The following OGG1 variants were observed in gnomAD, a reference collection of about 807,000 sequenced individuals.
OGG1 encodes the protein N-glycosylase/DNA lyase.
Under a neutral mutation model 42.3 loss-of-function variants are expected in OGG1, and 35 were observed. The observed-to-expected ratio is 0.83, with a 90% CI of 0.63 to 1.10. The LOEUF is 1.10. Among genes scored for constraint, OGG1 ranks in the 50% least tolerant of loss-of-function variants. The pLI is 0.00. For missense variants in OGG1, 484 were observed against 446.7 expected (o/e 1.08, Z -0.75); for synonymous variants, 189 against 179.0 (o/e 1.06, Z -0.44).
rs189616275 is a variant in OGG1, at chr3:9,787,473, T to C, written c.383-255T>C. The C allele has an allele frequency of 6.0e-5, 79 of 1,317,508 alleles. 1 individual carries two copies. In the Admixed American group the frequency reaches 1.6e-3, roughly 27 times the overall value. The allele number at this position is 1,317,508 out of a possible 1,614,324, so 81.6% of individuals were successfully genotyped here. A position where few individuals can be genotyped will look rare whatever the true frequency, so the allele number is the denominator to read the frequency against. ...GGCCAAGCCCAGTGTCAGGTGTAGG[T>C]AAGAAAGTACAACGAAGATAAAACC... On this transcript the variant is annotated intron_variant, in intron 3 of 3. Coordinates refer to the OGG1 transcript ENST00000426518.
At chr3:9,762,804 A>T (rs530424778) in intron 7 of OGG1, 156 of 1,061,922 alleles carry the variant, frequency 1.5e-4, no homozygotes, top group Non-Finnish European at 2.0e-4. Context: ...TTGTAGATGG[A>T]AATCCAAGGC....
chr3:9,780,063 T>G, intron 2 of OGG1: 8 of 304,010 alleles, frequency 2.6e-5, no homozygotes, highest in Non-Finnish European at 3.6e-5. Flanking sequence ...GGGTAGGGGA[T>G]TAGGGAGTGG....
chr3:9,754,635 A>G, intron 3 of OGG1, 69 bp from the exon 4 acceptor site: 2 of 1,548,372 alleles, frequency 1.3e-6, no homozygotes, highest in Non-Finnish European at 1.8e-6. Context: ...TAGAGAGCTC[A>G]CTTACTAGCC....
intron 2 of OGG1, among the ~76,000 whole-genome samples, chr3:9,775,829 A>G (rs2078356804): frequency 6.6e-6 from 1 of 151,998 alleles, no homozygotes; most frequent in African/African-American, 2.4e-5. Context: ...TAGTAGAGAC[A>G]GGGTTTCACC....
At chr3:9,761,426 G>A, downstream of OGG1, 1 of 1,585,706 alleles carries the variant, frequency 6.3e-7, no homozygotes, top group East Asian at 2.2e-5. Flanking sequence ...GGACAACTCT[G>A]GAGCCACAGC....
At chr3:9,752,680 A>C (rs2077360957) in intron 3 of OGG1, among the ~76,000 whole-genome samples, 1 of 152,238 alleles carries the variant, frequency 6.6e-6, no homozygotes. Context: ...GTGAGAACCA[A>C]GCTAGGACAA....
chr3:9,780,584 C>T, intron 2 of OGG1: 2 of 1,578,664 alleles, frequency 1.3e-6, no homozygotes, highest in Non-Finnish European at 1.7e-6. Flanking sequence ...CCAGGGTCAG[C>T]CCACCTCCAG....
chr3:9,769,452 A>C (rs187940399), downstream of OGG1, among the ~76,000 whole-genome samples: 1 of 152,090 alleles, frequency 6.6e-6, no homozygotes, highest in Admixed American at 6.5e-5. Flanking sequence ...ACACGTGGAC[A>C]CCCCTCTGGA....
chr3:9,754,772 G>C lies in OGG1; in HGVS notation c.634G>C (p.Ala212Pro), dbSNP rs767367322. 6.2e-7 allele frequency: 1 copy of C among 1,614,046 alleles called. No homozygotes were observed. The highest frequency in any genetic ancestry group is 8.5e-7 in the Non-Finnish European group (1 of 1,179,980). Residue 212 changes from alanine to proline, a missense_variant, in exon 4 of 7, where the codon GCC becomes CCC. Physicochemically the swap from Ala to Pro is conservative, Grantham distance 27 (BLOSUM62 -1). Transcript: ENST00000344629. ...GYRARYVSAS[A>P]RAILEEQGGL... Reference sequence around the variant, plus strand: ...TCGTGCCCGTTACGTGAGTGCCAGTGCCCGAGCCATCCTGGAAGAACAGGG... The same window carrying C: ...TCGTGCCCGTTACGTGAGTGCCAGTCCCCGAGCCATCCTGGAAGAACAGGG...
downstream of OGG1, chr3:9,758,919 C>T: frequency 2.4e-6 from 1 of 424,010 alleles, no homozygotes; most frequent in Non-Finnish European, 4.4e-6. Flanking sequence ...CGTGAGCCAC[C>T]ATGCCTGGCC....
downstream of OGG1, chr3:9,760,041 GA>G (rs1225762018): frequency 3.2e-6 from 1 of 310,238 alleles, no homozygotes; most frequent in African/African-American, 2.1e-5. Flanking sequence ...AGGAGTTCAA[GA>G]CCAGCCTGGC....
chr3:9,765,903 G>A lies in OGG1; in HGVS notation c.*72G>A, dbSNP rs41276495. The A allele has an allele frequency of 6.9e-4, 1,121 of 1,613,956 alleles. 2 individuals are homozygous for A. Among genetic ancestry groups the A allele is most frequent in the South Asian group, 8.9e-4 (81 of 91,058 alleles). ...CGAGAAGGCCCCCCTATCGGGAGAG[G>A]GGATTCACAAGGTGAAGAACTGGAA... On this transcript the variant is annotated 3_prime_UTR_variant, in exon 8 of 8. Transcript: ENST00000302008.
intron 4 of OGG1, among the ~76,000 whole-genome samples, chr3:9,756,107 A>G (rs2077539129): frequency 6.6e-6 from 1 of 152,148 alleles, no homozygotes. Context: ...ACTTGAGGTC[A>G]GGAGTTCGAG....
chr3:9,774,408 CAAAAAAAAAA>C (rs35674476), intron 2 of OGG1, among the ~76,000 whole-genome samples: 59,919 of 118,430 alleles, frequency 0.51, 14,041 homozygotes, highest in Middle Eastern at 0.61. Context: ...GACTCTGTCT[CAAAAAAAAAA>C]AAAAAAAAAA....
chr3:9,762,850 G>C (rs2077949639), intron 7 of OGG1: 1 of 1,547,522 alleles, frequency 6.5e-7, no homozygotes, highest in Non-Finnish European at 8.9e-7. Flanking sequence ...AGGTCAGACA[G>C]TTTGGGGTTT....
At chr3:9,751,344 A>G in intron 2 of OGG1, 152 bp downstream of exon 2, 1 of 777,590 alleles carries the variant, frequency 1.3e-6, no homozygotes, top group South Asian at 1.5e-5. Context: ...GCTTAGAATA[A>G]TGCCAGGCAC....
rs35246642 is a variant in OGG1, at chr3:9,781,833, CTTTTTTTTTT to C, written c.382+249_382+258del. ...GCCATTTCTTCATTGCCCATTACTT[CTTTTTTTTTT>C]TTTTTTTTTTTTTTTGAGACAGGTC... On this transcript the variant is annotated intron_variant, in intron 3 of 3. Coordinates refer to the OGG1 transcript ENST00000426518. Among the ~76,000 whole-genome samples the C allele has an allele frequency of 2.8e-3, 240 of 86,916 alleles. 1 individual carries two copies. Among genetic ancestry groups the C allele is most frequent in the African/African-American group, 0.011 (224 of 19,848 alleles). 57.0% of individuals were successfully genotyped at this position (86,916 alleles called of 152,430 possible). A position where few individuals can be genotyped will look rare whatever the true frequency, so the allele number is the denominator to read the frequency against.
In OGG1 at chr3:9,751,864, G is replaced by C. The variant is rs1205125202; in HGVS notation, c.480G>C (p.Glu160Asp). The change falls in exon 3 of 7, where the codon GAG (glutamate) becomes GAC (aspartate). Residue 160 changes from glutamate (E) to aspartate (D), a missense_variant. Physicochemically the swap from Glu to Asp is conservative, Grantham distance 45 (BLOSUM62 2). Coordinates refer to ENST00000344629, the MANE Select transcript of OGG1 (RefSeq NM_002542.6). ...NNIARITGMV[E>D]RLCQAFGPRL... ...TCGCCCGCATCACTGGCATGGTGGA[G>C]CGGCTGTGCCAGGCTTTTGGACCTC... 6.2e-7 allele frequency: 1 copy of C among 1,614,058 alleles called. No individual in the cohort carries two copies. Among genetic ancestry groups the C allele is most frequent in the African/African-American group, 1.3e-5 (1 of 74,920 alleles).
Position 9,757,046 on chromosome 3 carries a change from T to C in OGG1, c.949-15T>C. On this transcript the variant is annotated splice_polypyrimidine_tract_variant and intron_variant, in intron 6 of 6. Transcript: ENST00000344629. The surrounding 1 kb of genome is among the most constrained non-coding windows in gnomAD (Gnocchi z 4.5). ...AGTGTACCCTCCTCCCCACACAGAC[T>C]CCACCCTCCTACAGGTGCTGTTCAG... The C allele has an allele frequency of 6.2e-7, 1 of 1,613,898 alleles. No individual in the cohort carries two copies. Among genetic ancestry groups the C allele is most frequent in the Non-Finnish European group, 8.5e-7 (1 of 1,180,008 alleles).
Sources: allele counts gnomAD v4.1 joint callset (sites outside exome capture counted in the v4.1 genomes callset), GRCh38; gene constraint gnomAD v4.1.1; non-coding constraint Gnocchi (gnomAD v3.1); transcripts MANE v1.5; gene names NCBI Gene and HGNC (gene_info 2026-07-23, HGNC 2026-07-21).